Variants in TUSC3 observed in about 807,000 individuals in gnomAD.
The protein encoded by TUSC3 is dolichyl-diphosphooligosaccharide--protein glycosyltransferase subunit TUSC3.
In TUSC3, 45 loss-of-function variants were observed where a neutral mutation model predicts 44.8. The ratio of observed to expected loss-of-function variants is 1.00; its 90% CI spans 0.79 to 1.29. The LOEUF is 1.29. Among genes scored for constraint, TUSC3 ranks in the 50% most tolerant of loss-of-function variants. TUSC3 has a pLI of 0.00. For missense variants in TUSC3, 519 were observed against 437.9 expected (o/e 1.19, Z -1.65); for synonymous variants, 212 against 152.9 (o/e 1.39, Z -2.85).
the TUSC3 span, among the ~76,000 whole-genome samples, chr8:15,812,298 G>C: frequency 6.6e-6 from 1 of 152,206 alleles, no homozygotes. Context: ...GAAAGTGTTA[G>C]AGAAGGTAAC....
intron 6 of TUSC3, among the ~76,000 whole-genome samples, chr8:15,680,273 G>A (rs1186723544): frequency 6.6e-6 from 1 of 151,920 alleles, no homozygotes; most frequent in African/African-American, 2.4e-5. Flanking sequence ...GCAGTGTTTT[G>A]TAGTTGTCCT....
intron 6 of TUSC3, among the ~76,000 whole-genome samples, chr8:15,729,197 A>G (rs1810615243): frequency 6.6e-6 from 1 of 152,216 alleles, no homozygotes; most frequent in South Asian, 2.1e-4. Context: ...AAACTCAGAT[A>G]TGTTAGTCAG....
At chr8:15,538,344 A>G (rs1406418737), upstream of TUSC3, among the ~76,000 whole-genome samples, 2 of 152,226 alleles carry the variant, frequency 1.3e-5, no homozygotes, top group Admixed American at 1.3e-4. Context: ...ATAAGGTGTA[A>G]AGTTTATTTT....
At chr8:15,775,673 CACAT>C in the TUSC3 span, among the ~76,000 whole-genome samples, 6 of 139,228 alleles carry the variant, frequency 4.3e-5, no homozygotes, top group East Asian at 4.1e-4. Context: ...CATATATACA[CACAT>C]AAATACATAT....
At chr8:15,639,033 G>A (rs1238047170) in intron 2 of TUSC3, among the ~76,000 whole-genome samples, 5 of 143,196 alleles carry the variant, frequency 3.5e-5, no homozygotes, top group East Asian at 4.3e-4. Context: ...GCTAGATCAC[G>A]TGATGTTCAG....
At chr8:15,641,607 CAT>C (rs1301656485) in intron 2 of TUSC3, among the ~76,000 whole-genome samples, 6 of 152,142 alleles carry the variant, frequency 3.9e-5, no homozygotes, top group Non-Finnish European at 7.3e-5. Flanking sequence ...CGTTATGCCT[CAT>C]GTTTTTAACC....
the TUSC3 span, among the ~76,000 whole-genome samples, chr8:15,809,781 A>T: frequency 1.3e-5 from 2 of 152,196 alleles, no homozygotes; most frequent in Non-Finnish European, 2.9e-5. Context: ...GAACGACTGT[A>T]ATTATATTAC....
chr8:15,582,351 CA>C (rs1803402541), intron 1 of TUSC3, among the ~76,000 whole-genome samples: 1 of 152,162 alleles, frequency 6.6e-6, no homozygotes, highest in Non-Finnish European at 1.5e-5. Flanking sequence ...AAGGTGTAAA[CA>C]GTGAGGTACT....
intron 6 of TUSC3, among the ~76,000 whole-genome samples, chr8:15,678,017 A>T (rs1361937763): frequency 6.6e-6 from 1 of 152,166 alleles, no homozygotes; most frequent in East Asian, 1.9e-4. Flanking sequence ...GAAGAGAGGG[A>T]AACTGAGTCT....
chr8:15,611,698 G>A (rs1361757970), intron 1 of TUSC3, among the ~76,000 whole-genome samples: 1 of 152,134 alleles, frequency 6.6e-6, no homozygotes, highest in Non-Finnish European at 1.5e-5. Context: ...GGTCTTCTGA[G>A]TGCCTTTAAA....
chr8:15,807,523 T>C, the TUSC3 span, among the ~76,000 whole-genome samples: 5 of 152,138 alleles, frequency 3.3e-5, 1 homozygote, highest in African/African-American at 7.2e-5. Context: ...CTACTGAGTA[T>C]ATATCCAAAG....
chr8:15,747,563 A>G (rs567752584), intron 8 of TUSC3, among the ~76,000 whole-genome samples: 3 of 152,216 alleles, frequency 2.0e-5, no homozygotes, highest in African/African-American at 7.2e-5. Context: ...TTGTTTAAAT[A>G]TCCAAAATAC....
At chr8:15,727,651 AGTTCAGCACACTAAGTTCAC>A (rs1810552247) in intron 6 of TUSC3, among the ~76,000 whole-genome samples, 1 of 152,208 alleles carries the variant, frequency 6.6e-6, no homozygotes, top group African/African-American at 2.4e-5. Flanking sequence ...TAAAACTATC[AGTTCAGCACACTAAGTTCAC>A]TTGTGAAAAG....
intron 7 of TUSC3, 56 bp downstream of exon 7, chr8:15,730,785 T>C: frequency 1.3e-6 from 2 of 1,551,238 alleles, no homozygotes; most frequent in South Asian, 1.1e-5. Flanking sequence ...TACATGTTTT[T>C]AAATTGACAT....
intron 2 of TUSC3, among the ~76,000 whole-genome samples, chr8:15,520,531 C>T (rs141624156): frequency 2.0e-5 from 3 of 152,262 alleles, no homozygotes; most frequent in African/African-American, 7.2e-5. Flanking sequence ...TCAAAAGAGT[C>T]CTATAACATG....
intron 6 of TUSC3, among the ~76,000 whole-genome samples, chr8:15,675,140 G>A (rs1459510839): frequency 1.3e-5 from 2 of 152,106 alleles, no homozygotes; most frequent in African/African-American, 4.8e-5. Flanking sequence ...GCTTCTGAAA[G>A]AATGGATTTT....
At chr8:15,788,088 T>C in the TUSC3 span, among the ~76,000 whole-genome samples, 10 of 152,276 alleles carry the variant, frequency 6.6e-5, no homozygotes, top group African/African-American at 2.4e-4. Context: ...TTCATGGGGA[T>C]GATGAGGGCT....
At chr8:15,546,427 A>G (rs1423451919) in intron 1 of TUSC3, among the ~76,000 whole-genome samples, 3 of 151,856 alleles carry the variant, frequency 2.0e-5, no homozygotes, top group Non-Finnish European at 4.4e-5. Context: ...GGAGTTGTAC[A>G]TGGACTATTT....
At chr8:15,636,217 C>A (rs527864972) in intron 2 of TUSC3, among the ~76,000 whole-genome samples, 4 of 152,212 alleles carry the variant, frequency 2.6e-5, no homozygotes, top group African/African-American at 9.6e-5. Context: ...TTCAACTTAG[C>A]AGAATCATCA....
Sources: gnomAD v4.1 joint callset for allele counts (sites outside exome capture counted in the v4.1 genomes callset) on GRCh38, gnomAD v4.1.1 for gene constraint, MANE v1.5 for transcripts, NCBI Gene and HGNC (gene_info 2026-07-23, HGNC 2026-07-21) for gene names.